NBPF9: variants seen among roughly 807,000 people sequenced by gnomAD.
NBPF9 encodes the protein NBPF family member NBPF9.
Under a neutral mutation model 97.8 loss-of-function variants are expected in NBPF9, and 91 were observed. The observed-to-expected ratio is 0.93, with a 90% confidence interval of 0.79 to 1.11. The LOEUF (loss-of-function observed/expected upper bound fraction) is 1.11, where lower values mean the gene tolerates loss of function less well. Ranked by LOEUF, NBPF9 falls within the 50% of genes least tolerant of loss-of-function variation. The pLI, the probability that NBPF9 is intolerant of heterozygous loss-of-function variation, is 0.00. For synonymous variants in NBPF9, 334 were observed against 359.5 expected, an observed-to-expected ratio of 0.93 and a Z score of 0.80; for missense variants, 992 against 939.5, an observed-to-expected ratio of 1.06 and a Z score of -0.73.
At chr1:149,072,758 C>A (rs1452756402) in exon 14 of NBPF9, 5 of 1,602,034 alleles carry the variant, frequency 3.1e-6, no homozygotes, top group South Asian at 2.2e-5. Flanking sequence ...CCAGTCTACA[C>A]CCCTCAGCCA....
In NBPF9 at chr1:149,080,962, C is replaced by T. The variant is rs1244090933; in HGVS notation, c.176-807G>A. On this transcript the variant is annotated intron_variant, in intron 7 of 29. Coordinates refer to ENST00000584027, the Ensembl canonical transcript of NBPF9. Reference sequence around the variant, plus strand: ...AGCAACTTGGATGGAGCCCAGGAGACAGGCTGAGGGTCCCTGCTTTGCACA... The same window carrying T: ...AGCAACTTGGATGGAGCCCAGGAGATAGGCTGAGGGTCCCTGCTTTGCACA... 3.3e-4 allele frequency among the ~76,000 whole-genome samples: 50 copies of T among 151,614 alleles called. No individual in the cohort carries two copies. In the South Asian group the frequency reaches 4.4e-3, roughly 13 times the overall value.
chr1:149,072,178 C>G (rs1381580864), intron 14 of NBPF9, among the ~76,000 whole-genome samples: 2 of 151,212 alleles, frequency 1.3e-5, no homozygotes, highest in Admixed American at 1.3e-4. Context: ...CTTCCTACCA[C>G]AAAACGCCCC....
intron 1 of NBPF9, 130 bp from the exon 2 acceptor site, chr1:149,102,977 G>A (rs1340076857): frequency 1.3e-5 from 2 of 151,570 alleles, no homozygotes; most frequent in Admixed American, 6.6e-5. Flanking sequence ...GGTGGGGTGC[G>A]GGGTCAGGGT....
chr1:149,100,434 TTTA>T lies in NBPF9; in HGVS notation c.-606+825_-606+827del, dbSNP rs1208644272. Among the ~76,000 whole-genome samples the T allele has an allele frequency of 8.2e-5, 11 of 133,832 alleles. No individual in the cohort carries two copies. In the East Asian group the frequency reaches 2.4e-3, roughly 30 times the overall value. The allele number at this position is 133,832 out of a possible 152,430, so 87.8% of individuals were successfully genotyped here. On this transcript the variant is annotated intron_variant, in intron 3 of 29. Coordinates refer to ENST00000584027, the Ensembl canonical transcript of NBPF9. Reference sequence around the variant, plus strand: ...TTATTTTTTAAATTTTACTCATTTATTTATTATTTTTATTTTTTGTAGAGATGG... The same window carrying T: ...TTATTTTTTAAATTTTACTCATTTATTTATTTTTATTTTTTGTAGAGATGG...
rs1439028507 is a variant in NBPF9 at position 149,082,223 on chromosome 1, C to G, written c.-36+49G>C. The stretch of plus-strand genomic sequence containing the variant: ...ATGATGGGTTAAAAACTGGTGAAAT[C>G]AAATAGGTTTAATCAGGACTGAGGG... On this transcript the variant is annotated intron_variant, in intron 6 of 29. Transcript: ENST00000584027. The G allele has an allele frequency of 4.3e-5, 64 of 1,489,722 alleles. No individual in the cohort carries two copies. The African/African-American group carries it at 7.6e-4, about 18-fold the overall frequency. 92.3% of individuals were successfully genotyped at this position (1,489,722 alleles called of 1,614,324 possible). A position where few individuals can be genotyped will look rare whatever the true frequency, so the allele number is the denominator to read the frequency against.
At chr1:149,074,952 C>G (rs2079729649) in intron 12 of NBPF9, among the ~76,000 whole-genome samples, 2 of 151,164 alleles carry the variant, frequency 1.3e-5, no homozygotes, top group African/African-American at 4.8e-5. Flanking sequence ...GGGGTGATTA[C>G]AGTCACCTGC....
At chr1:149,086,680 C>T (rs1353608494) in intron 5 of NBPF9, among the ~76,000 whole-genome samples, 1 of 152,146 alleles carries the variant, frequency 6.6e-6, no homozygotes, top group Non-Finnish European at 1.5e-5. Context: ...ACACATATAG[C>T]TTAGAAGGTA....
At chr1:149,076,397 A>G (rs1182557607) in intron 11 of NBPF9, among the ~76,000 whole-genome samples, 6 of 151,028 alleles carry the variant, frequency 4.0e-5, no homozygotes, top group Admixed American at 3.3e-4. Flanking sequence ...GGGTTTCGCC[A>G]TCTTGGACAG....
chr1:149,079,869 C>G (rs1450304523), intron 8 of NBPF9, among the ~76,000 whole-genome samples, 184 bp downstream of exon 8: 1 of 152,292 alleles, frequency 6.6e-6, no homozygotes, highest in Non-Finnish European at 1.5e-5. Flanking sequence ...CTCTAAGAAA[C>G]AACTGCAACA....
intron 14 of NBPF9, among the ~76,000 whole-genome samples, 179 bp downstream of exon 14, chr1:149,072,539 C>A: frequency 6.6e-6 from 1 of 152,280 alleles, no homozygotes. Flanking sequence ...AATAATGTGA[C>A]CTCCAACCCC....
chr1:149,077,381 T>C (rs1385096002), exon 11 of NBPF9: 1 of 1,609,780 alleles, frequency 6.2e-7, no homozygotes, highest in Non-Finnish European at 8.5e-7. Flanking sequence ...CTCCAGTGAG[T>C]CCTCAGCGAC....
At chr1:149,090,536 A>C in intron 5 of NBPF9, 1 of 464,376 alleles carries the variant, frequency 2.2e-6, no homozygotes, top group Non-Finnish European at 3.8e-6. Context: ...AAGATGCATT[A>C]AATTTAAGCC....
intron 4 of NBPF9, among the ~76,000 whole-genome samples, chr1:149,098,032 A>G (rs1256207253): frequency 1.1e-4 from 16 of 151,976 alleles, no homozygotes; most frequent in African/African-American, 1.7e-4. Flanking sequence ...TGGGGGATGC[A>G]GGTGGACAGG....
intron 5 of NBPF9, among the ~76,000 whole-genome samples, chr1:149,086,538 C>T (rs187558582): frequency 6.6e-6 from 1 of 151,396 alleles, no homozygotes; most frequent in Non-Finnish European, 1.5e-5. Context: ...ATAAGGGCCC[C>T]CAGCACCTAG....
exon 6 of NBPF9, chr1:149,082,283 G>A (rs1302574426): frequency 1.3e-5 from 20 of 1,546,044 alleles, no homozygotes; most frequent in Non-Finnish European, 1.7e-5. Flanking sequence ...TTACTGTTGT[G>A]AAAAATGTGA....
intron 8 of NBPF9, among the ~76,000 whole-genome samples, 195 bp downstream of exon 8, chr1:149,079,858 G>T (rs76603982): frequency 2.6e-5 from 4 of 152,216 alleles, no homozygotes; most frequent in Admixed American, 2.0e-4. Context: ...AGAAAACAAG[G>T]CTCTAAGAAA....
At chr1:149,081,677 C>T (rs1221381834) in intron 7 of NBPF9, among the ~76,000 whole-genome samples, 70 of 145,060 alleles carry the variant, frequency 4.8e-4, no homozygotes, top group African/African-American at 1.7e-3. Context: ...TTCTTGAAAA[C>T]ATGATTGAGC....
chr1:149,062,775 T>G (rs2078714775), intron 21 of NBPF9, 87 bp downstream of exon 21: 2 of 772,300 alleles, frequency 2.6e-6, no homozygotes, highest in Non-Finnish European at 2.4e-6. Flanking sequence ...GTTGAAAACA[T>G]GAAATTGAAC....
At chr1:149,095,596 G>A (rs2081697132) in intron 4 of NBPF9, among the ~76,000 whole-genome samples, 12 of 85,396 alleles carry the variant, frequency 1.4e-4, no homozygotes, top group Admixed American at 7.2e-4. Flanking sequence ...AATATATGAA[G>A]AATTCTGAGA....
Sources: gnomAD v4.1 joint callset for allele counts (sites outside exome capture counted in the v4.1 genomes callset) on GRCh38, gnomAD v4.1.1 for gene constraint, MANE v1.5 for transcripts, NCBI Gene and HGNC (gene_info 2026-07-23, HGNC 2026-07-21) for gene names.